The following LPP variants were observed in gnomAD, a reference collection of about 807,000 sequenced individuals.
LPP encodes LIM domain containing preferred translocation partner in lipoma.
In LPP, 38 loss-of-function variants were observed where a neutral mutation model predicts 60.4. The observed-to-expected ratio is 0.63, with a 90% confidence interval of 0.49 to 0.83. LPP has a LOEUF of 0.83. LPP is among the 40% of genes least tolerant of loss of function. LPP has a pLI of 0.00. For synonymous variants in LPP, 328 were observed against 290.8 expected, an observed-to-expected ratio of 1.13 and a Z score of -1.30; for missense variants, 902 against 783.6, an observed-to-expected ratio of 1.15 and a Z score of -1.80.
intron 7 of LPP, among the ~76,000 whole-genome samples, chr3:188,670,147 A>G (rs1024072503): frequency 6.6e-6 from 1 of 152,190 alleles, no homozygotes; most frequent in African/African-American, 2.4e-5. Context: ...AGAAATACCT[A>G]ATGTAGCTGA....
chr3:188,487,364 G>T (rs1806858180), intron 5 of LPP, among the ~76,000 whole-genome samples: 1 of 152,036 alleles, frequency 6.6e-6, no homozygotes, highest in African/African-American at 2.4e-5. Context: ...TCAACCATGG[G>T]GCTTTCAAAA....
chr3:188,489,783 A>G (rs948239334), intron 5 of LPP, among the ~76,000 whole-genome samples: 1 of 152,136 alleles, frequency 6.6e-6, no homozygotes, highest in East Asian at 1.9e-4. Flanking sequence ...TCAGGGGCTC[A>G]ATATTTAACT....
chr3:188,767,205 A>G (rs567265605), intron 9 of LPP, among the ~76,000 whole-genome samples: 1 of 152,308 alleles, frequency 6.6e-6, no homozygotes, highest in African/African-American at 2.4e-5. Context: ...AAGATGTAGT[A>G]GTAAACTCAG....
At chr3:188,288,107 T>G (rs545848093) in intron 2 of LPP, among the ~76,000 whole-genome samples, 58 of 152,350 alleles carry the variant, frequency 3.8e-4, no homozygotes, top group African/African-American at 1.4e-3. Flanking sequence ...TAATTTATTT[T>G]TATTTTGAAA....
At chr3:188,278,899 T>C (rs1176037758) in intron 2 of LPP, among the ~76,000 whole-genome samples, 3 of 152,180 alleles carry the variant, frequency 2.0e-5, no homozygotes, top group Non-Finnish European at 2.9e-5. Context: ...GGGGCACTTA[T>C]ATTATCCATG....
chr3:188,534,495 T>C (rs1823040989), intron 6 of LPP, among the ~76,000 whole-genome samples: 1 of 152,206 alleles, frequency 6.6e-6, no homozygotes, highest in African/African-American at 2.4e-5. Flanking sequence ...TCTTTCTTCC[T>C]CTCCCACTGT....
Position 188,888,358 on chromosome 3 carries a change from G to A in LPP, c.*13879G>A, listed in dbSNP as rs1770914961. Reference sequence around the variant, plus strand: ...AATTTTCCCTGAGCCACGCACACAGGCTTTTATTTCATGCCTTTTCTCTTT... The same window carrying A: ...AATTTTCCCTGAGCCACGCACACAGACTTTTATTTCATGCCTTTTCTCTTT... On this transcript the variant is annotated 3_prime_UTR_variant, in exon 12 of 12. Coordinates refer to ENST00000617246, the MANE Select transcript of LPP (RefSeq NM_001375462.1). 1 of 228,116 alleles carries A rather than the reference G, an allele frequency of 4.4e-6. No homozygotes were observed. The highest frequency in any genetic ancestry group is 1.8e-4 in the South Asian group (1 of 5,490). 14.1% of individuals were successfully genotyped at this position (228,116 alleles called of 1,614,324 possible).
At chr3:188,290,065 C>T (rs111929139) in intron 2 of LPP, among the ~76,000 whole-genome samples, 111 of 152,020 alleles carry the variant, frequency 7.3e-4, no homozygotes, top group Non-Finnish European at 1.3e-3. Flanking sequence ...CTTGGCCTCC[C>T]GGGTTCAAGT....
intron 8 of LPP, among the ~76,000 whole-genome samples, chr3:188,734,722 C>T (rs1721886491): frequency 1.3e-5 from 2 of 152,244 alleles, no homozygotes; most frequent in African/African-American, 4.8e-5. Flanking sequence ...GTTTTAGGAG[C>T]AGCCCTGCCT....
chr3:188,269,029 AG>A (rs1021940712), intron 2 of LPP, among the ~76,000 whole-genome samples: 6 of 152,206 alleles, frequency 3.9e-5, no homozygotes, highest in Admixed American at 3.9e-4. Context: ...TGCTGCCTCC[AG>A]GGGTCTATCA....
intron 5 of LPP, among the ~76,000 whole-genome samples, chr3:188,515,073 G>A (rs1007689342): frequency 6.6e-6 from 1 of 152,192 alleles, no homozygotes; most frequent in Non-Finnish European, 1.5e-5. Context: ...TAGCATTTAT[G>A]TTCTATGTTG....
At chr3:188,751,851 A>G (rs1728174152) in intron 8 of LPP, among the ~76,000 whole-genome samples, 1 of 152,198 alleles carries the variant, frequency 6.6e-6, no homozygotes, top group Admixed American at 6.5e-5. Context: ...ATTGACTATT[A>G]TCATCACCCC....
At chr3:188,219,003 T>A (rs1714758120) in intron 1 of LPP, among the ~76,000 whole-genome samples, 1 of 151,676 alleles carries the variant, frequency 6.6e-6, no homozygotes, top group Non-Finnish European at 1.5e-5. Context: ...CAAATCCAGA[T>A]TTAGATCACT....
chr3:188,444,889 C>T (rs1794849579), intron 4 of LPP, among the ~76,000 whole-genome samples: 1 of 152,256 alleles, frequency 6.6e-6, no homozygotes, highest in East Asian at 1.9e-4. Context: ...GAAAAAAAAC[C>T]TCACTATCAC....
intron 5 of LPP, among the ~76,000 whole-genome samples, chr3:188,520,299 A>G (rs1579583994): frequency 6.6e-6 from 1 of 152,080 alleles, no homozygotes; most frequent in Non-Finnish European, 1.5e-5. Context: ...TTCCCCTCCC[A>G]CCTTCGTGTA....
At chr3:188,641,081 A>T (rs571953893) in intron 7 of LPP, among the ~76,000 whole-genome samples, 1 of 152,356 alleles carries the variant, frequency 6.6e-6, no homozygotes, top group African/African-American at 2.4e-5. Context: ...TTTTTCTCAG[A>T]AGGTTAAATC....
rs10576864 is a variant in LPP, at chr3:188,733,290, C to CGTGTGTGTGTGT, written c.1240+24914_1240+24925dup. Among the ~76,000 whole-genome samples the CGTGTGTGTGTGT allele has an allele frequency of 7.8e-3, 1,142 of 147,152 alleles. 5 individuals carry two copies. The highest frequency in any genetic ancestry group is 0.01 in the Non-Finnish European group (694 of 66,298). On this transcript the variant is annotated intron_variant, in intron 8 of 11. Transcript: ENST00000617246. ...GAATCTTACTTTACTTCACCAAAAA[C>CGTGTGTGTGTGT]GTGTGTGTGTGTGTGTGTGTGTGTG... is the stretch of plus-strand genomic sequence containing the variant.
rs1164872287 is a variant in LPP, at chr3:188,324,495, C to G, written c.-66-17168C>G. On this transcript the variant is annotated intron_variant, in intron 2 of 11. Coordinates refer to ENST00000617246, the MANE Select transcript of LPP (RefSeq NM_001375462.1). ...CCTGAAGCATGAGGCATGTTCACCCCCGTGTTGTAGGACCTCCATATAACT... is the reference window on the plus strand; with the variant it reads ...CCTGAAGCATGAGGCATGTTCACCCGCGTGTTGTAGGACCTCCATATAACT... Among the ~76,000 whole-genome samples, 3 of 152,156 alleles carry G rather than the reference C, an allele frequency of 2.0e-5. 1 individual carries two copies. The highest frequency in any genetic ancestry group is 2.0e-4 in the Admixed American group (3 of 15,280).
intron 8 of LPP, among the ~76,000 whole-genome samples, chr3:188,718,435 T>C (rs1714985669): frequency 6.6e-6 from 1 of 152,202 alleles, no homozygotes; most frequent in Non-Finnish European, 1.5e-5. Context: ...ACATTGTCCT[T>C]AAAAAGAATA....
Sources: allele counts gnomAD v4.1 joint callset (sites outside exome capture counted in the v4.1 genomes callset), GRCh38; gene constraint gnomAD v4.1.1; transcripts MANE v1.5; gene names NCBI Gene and HGNC (gene_info 2026-07-23, HGNC 2026-07-21).